The following COMMD9 variants were observed in gnomAD, a reference collection of about 807,000 sequenced individuals.
COMMD9 encodes COMM domain-containing protein 9.
In COMMD9, 22 loss-of-function variants were observed where a neutral mutation model predicts 23.4. That is an observed-to-expected ratio of 0.94 (90% confidence interval 0.67 to 1.34). COMMD9 has a LOEUF of 1.34. Ranked by LOEUF, COMMD9 falls within the 40% of genes most tolerant of loss-of-function variation. The probability of loss-of-function intolerance (pLI) is 0.00; values close to 1 mark genes in which losing one functional copy is unlikely to be tolerated. For missense variants in COMMD9, 231 were observed against 240.2 expected, an observed-to-expected ratio of 0.96 and a Z score of 0.25; for synonymous variants, 99 against 97.4, an observed-to-expected ratio of 1.02 and a Z score of -0.10.
intron 1 of COMMD9, among the ~76,000 whole-genome samples, chr11:36,286,395 CAAAAAA>C (rs138463305): frequency 1.3e-5 from 1 of 76,948 alleles, no homozygotes; most frequent in Non-Finnish European, 2.4e-5. Flanking sequence ...ACTAAAAATA[CAAAAAA>C]AAAAAAAAAA....
At position 36,276,183 on chromosome 11, in the gene COMMD9, T is replaced by C. The variant is rs116305051; in HGVS notation, c.410A>G (p.Asp137Gly). Residue 137 changes from aspartate (D) to glycine (G), a missense_variant, in exon 5 of 6, where the codon GAC (aspartate) becomes GGC (glycine). Coordinates refer to ENST00000263401, the MANE Select transcript of COMMD9 (RefSeq NM_014186.4). ...DWRVDIKTSSDSISRMAVPTC... is the reference protein window; with the variant it reads ...DWRVDIKTSSGSISRMAVPTC... ...GGGGACGGCCATGCGGCTGATGCTG[T>C]CTGAGGAGGTTTTGATATCCACTCT... The C allele has an allele frequency of 6.2e-7, 1 of 1,614,160 alleles. No individual in the cohort carries two copies. Among genetic ancestry groups the C allele is most frequent in the South Asian group, 1.1e-5 (1 of 91,082 alleles).
intron 1 of COMMD9, 133 bp downstream of exon 1, chr11:36,289,229 G>C (rs945345694): frequency 1.4e-6 from 1 of 721,492 alleles, no homozygotes; most frequent in South Asian, 2.6e-5. Context: ...GCAACGATTT[G>C]CCTGGGATCA....
At chr11:36,279,595 C>A (rs1003287851) in intron 2 of COMMD9, among the ~76,000 whole-genome samples, 5 of 152,144 alleles carry the variant, frequency 3.3e-5, no homozygotes, top group African/African-American at 1.2e-4. Flanking sequence ...TTACAGGATC[C>A]CAAGTTTTCC....
At position 36,272,819 on chromosome 11, in the gene COMMD9, A is replaced by C. The variant is rs991008866; in HGVS notation, c.*1813T>G. The C allele has an allele frequency of 2.6e-5, 4 of 152,220 alleles. No individual in the cohort carries two copies. Among genetic ancestry groups the C allele is most frequent in the African/African-American group, 9.6e-5 (4 of 41,460 alleles). The allele number at this position is 152,220 out of a possible 1,614,324, so 9.4% of individuals were successfully genotyped here. A position where few individuals can be genotyped will look rare whatever the true frequency, so the allele number is the denominator to read the frequency against. ...TTCCTTGCAAAGTCCTGTGTTGTAAAGAGAAAGCTAGAGAAATATGGGTCC... is the reference window on the plus strand; with the variant it reads ...TTCCTTGCAAAGTCCTGTGTTGTAACGAGAAAGCTAGAGAAATATGGGTCC... On this transcript the variant is annotated 3_prime_UTR_variant, in exon 6 of 6. Transcript: ENST00000263401.
intron 1 of COMMD9, among the ~76,000 whole-genome samples, chr11:36,283,131 GGTCTTCCTGTCTTT>G (rs1856094428): frequency 6.6e-6 from 1 of 152,196 alleles, no homozygotes; most frequent in Admixed American, 6.5e-5. Flanking sequence ...ATTGAGGGCA[GGTCTTCCTGTCTTT>G]GTCCACTGAC....
chr11:36,275,499 A>G (rs1234464015), intron 5 of COMMD9, among the ~76,000 whole-genome samples: 1 of 149,718 alleles, frequency 6.7e-6, no homozygotes, highest in African/African-American at 2.5e-5. Flanking sequence ...GTGGGAGTGC[A>G]GTGGTGTGAT....
chr11:36,283,482 T>C lies in COMMD9; in HGVS notation c.52-2645A>G, dbSNP rs185109950. Among the ~76,000 whole-genome samples, 272 of 152,244 alleles carry C rather than the reference T, an allele frequency of 1.8e-3. 1 individual carries two copies. Among genetic ancestry groups the C allele is most frequent in the African/African-American group, 6.3e-3 (262 of 41,532 alleles). Reference sequence around the variant, plus strand: ...AGTTTCTATACTTCGCCCTAACTGGTAAAATGATGACACCAATAGACTGTG... The same window carrying C: ...AGTTTCTATACTTCGCCCTAACTGGCAAAATGATGACACCAATAGACTGTG... On this transcript the variant is annotated intron_variant, in intron 1 of 5. Transcript: ENST00000263401.
At chr11:36,279,874 G>A (rs1856036513) in intron 2 of COMMD9, among the ~76,000 whole-genome samples, 1 of 152,232 alleles carries the variant, frequency 6.6e-6, no homozygotes, top group Admixed American at 6.5e-5. Context: ...GGGAGGCTGA[G>A]GTGGGTGGAT....
At chr11:36,282,111 G>GA (rs1268329472) in intron 1 of COMMD9, among the ~76,000 whole-genome samples, 1 of 151,904 alleles carries the variant, frequency 6.6e-6, no homozygotes, top group African/African-American at 2.4e-5. Context: ...CAGAAAAGCA[G>GA]AAAAAAGAGA....
chr11:36,284,021 G>C (rs1448097491), intron 1 of COMMD9, among the ~76,000 whole-genome samples: 3 of 152,048 alleles, frequency 2.0e-5, no homozygotes, highest in Non-Finnish European at 2.9e-5. Context: ...CGGGAAGATT[G>C]CTTAAGCCTG....
chr11:36,277,171 A>G (rs376947811), intron 3 of COMMD9, 48 bp from the exon 4 acceptor site: 32 of 1,441,280 alleles, frequency 2.2e-5, no homozygotes, highest in Middle Eastern at 1.8e-4. Flanking sequence ...AGGGGATGAG[A>G]CTGACTCTTC....
chr11:36,274,736 A>T lies in COMMD9; in HGVS notation c.493T>A (p.Ser165Thr). 1 of 1,614,240 alleles carries T rather than the reference A, an allele frequency of 6.2e-7. No individual in the cohort carries two copies. Among genetic ancestry groups the T allele is most frequent in the South Asian group, 1.1e-5 (1 of 91,086 alleles). ...EDPSLCGDKP[S>T]ISAVTVELSK... is the part of the protein sequence containing the mutation. ...AGCTCCACGGTGACAGCTGAGATGG[A>T]GGGTTTGTCTCCGCATAGGCTGGGA... Residue 165 changes from serine to threonine, a missense_variant, in exon 6 of 6, where the codon TCC becomes ACC. By Grantham distance (58) the Ser-to-Thr change is moderately conservative (BLOSUM62 1). Coordinates refer to ENST00000263401, the MANE Select transcript of COMMD9 (RefSeq NM_014186.4).
rs759927460 is a variant in COMMD9, at chr11:36,277,067, G to A, written c.352+22C>T. 1.3e-5 allele frequency: 20 copies of A among 1,595,324 alleles called. No homozygotes were observed. The East Asian group carries it at 4.5e-4, about 36-fold the overall frequency. Reference sequence around the variant, plus strand: ...GCTGGGGAGACAAGTAAGAAGGGAGGGGCAGATTTATTGGTACTCACTCTG... The same window carrying A: ...GCTGGGGAGACAAGTAAGAAGGGAGAGGCAGATTTATTGGTACTCACTCTG... On this transcript the variant is annotated intron_variant, in intron 4 of 5. Coordinates refer to ENST00000263401, the MANE Select transcript of COMMD9 (RefSeq NM_014186.4).
chr11:36,283,705 C>T (rs888999460), intron 1 of COMMD9, among the ~76,000 whole-genome samples: 2 of 152,130 alleles, frequency 1.3e-5, no homozygotes, highest in African/African-American at 2.4e-5. Flanking sequence ...GTAGACTTAA[C>T]GCCCTAACAT....
At chr11:36,282,365 G>A (rs545741833) in intron 1 of COMMD9, among the ~76,000 whole-genome samples, 3 of 151,688 alleles carry the variant, frequency 2.0e-5, no homozygotes, top group South Asian at 2.1e-4. Context: ...ATTGAACTTC[G>A]AAAATGAAAG....
In COMMD9 at chr11:36,280,840, A is replaced by G. The variant is rs199668590; in HGVS notation, c.52-3T>C. Reference sequence around the variant, plus strand: ...CTGACAACATCTTTCGAGGAGGCCTATGAATTAAATCACAGATAGGAAAAA... The same window carrying G: ...CTGACAACATCTTTCGAGGAGGCCTGTGAATTAAATCACAGATAGGAAAAA... On this transcript the variant is annotated splice_polypyrimidine_tract_variant and splice_region_variant and intron_variant, in intron 1 of 5. Coordinates refer to ENST00000263401, the MANE Select transcript of COMMD9 (RefSeq NM_014186.4). The G allele has an allele frequency of 1.4e-4, 213 of 1,558,730 alleles. No individual in the cohort carries two copies. Among genetic ancestry groups the G allele is most frequent in the Non-Finnish European group, 1.7e-4 (196 of 1,152,984 alleles).
rs769699752 is a variant in COMMD9 at position 36,280,143 on chromosome 11, A to G, written c.177+569T>C. On this transcript the variant is annotated intron_variant, in intron 2 of 5. Coordinates refer to ENST00000263401, the MANE Select transcript of COMMD9 (RefSeq NM_014186.4). ...AATCCAAAAACATAGGCCCATTTAG[A>G]TGAAGAAAGTGCTGTTTTAAAAACA... 9.2e-5 allele frequency among the ~76,000 whole-genome samples: 14 copies of G among 152,192 alleles called. No homozygotes were observed. In the East Asian group the frequency reaches 2.7e-3, roughly 29 times the overall value.
intron 3 of COMMD9, among the ~76,000 whole-genome samples, chr11:36,277,973 T>A (rs571537361): frequency 8.5e-5 from 13 of 152,280 alleles, no homozygotes; most frequent in African/African-American, 3.1e-4. Context: ...TCCATTACCT[T>A]TAACCCAGTA....
rs570270846 is a variant in COMMD9 at position 36,274,755 on chromosome 11, G to T, written c.474C>A (p.Ser158Arg). Residue 158 changes from serine to arginine, a missense_variant, in exon 6 of 6, where the codon AGC becomes AGA. By Grantham distance (110) the Ser-to-Arg change is moderately radical (BLOSUM62 -1). Coordinates refer to ENST00000263401, the MANE Select transcript of COMMD9 (RefSeq NM_014186.4). ...AGATGGAGGGTTTGTCTCCGCATAG[G>T]CTGGGATCTTCTTGGATCTGAAACG... ...LLQMKIQEDPSLCGDKPSISA... is the reference protein window; with the variant it reads ...LLQMKIQEDPRLCGDKPSISA... 1.5e-5 allele frequency: 24 copies of T among 1,614,266 alleles called. No individual in the cohort carries two copies. The highest frequency in any genetic ancestry group is 2.0e-5 in the Non-Finnish European group (24 of 1,180,044).
Sources: gnomAD v4.1 joint callset for allele counts (sites outside exome capture counted in the v4.1 genomes callset) on GRCh38, gnomAD v4.1.1 for gene constraint, MANE v1.5 for transcripts, NCBI Gene and HGNC (gene_info 2026-07-23, HGNC 2026-07-21) for gene names.